ME1: variants seen among roughly 807,000 people sequenced by gnomAD.
ME1 encodes NADP-dependent malic enzyme.
In ME1, 74 loss-of-function variants were observed where a neutral mutation model predicts 66.4. That is an observed-to-expected ratio of 1.11 (90% confidence interval 0.92 to 1.35). The LOEUF (loss-of-function observed/expected upper bound fraction) is 1.35, where lower values mean the gene tolerates loss of function less well. ME1 is among the 40% of genes most tolerant of loss of function. ME1 has a pLI of 0.00. For synonymous variants in ME1, 251 were observed against 235.6 expected (o/e 1.07, Z -0.60); for missense variants, 750 against 694.1 (o/e 1.08, Z -0.90).
intron 11 of ME1, among the ~76,000 whole-genome samples, chr6:83,224,619 G>T (rs956437192): frequency 8.0e-5 from 12 of 150,384 alleles, no homozygotes; most frequent in African/African-American, 2.7e-4. Flanking sequence ...AGGAGGCAGA[G>T]GTTGCAGTGA....
chr6:83,353,961 G>C lies in ME1; in HGVS notation c.363-1822C>G, dbSNP rs551416208. Among the ~76,000 whole-genome samples the C allele has an allele frequency of 2.6e-5, 4 of 152,110 alleles. No homozygotes were observed. In the South Asian group the frequency reaches 8.3e-4, roughly 32 times the overall value. On this transcript the variant is annotated intron_variant, in intron 3 of 13. Transcript: ENST00000369705. The stretch of plus-strand genomic sequence containing the variant: ...TTGTGAAACACTTTCTTTTCTAGCT[G>C]CTGAGATACCACATTTGCCTACGTT...
intron 12 of ME1, among the ~76,000 whole-genome samples, chr6:83,217,253 TGATTA>T (rs527695117): frequency 6.6e-6 from 1 of 152,280 alleles, no homozygotes; most frequent in African/African-American, 2.4e-5. Flanking sequence ...TCTAAGACTT[TGATTA>T]AATTTCTAGA....
At position 83,300,381 on chromosome 6, in the gene ME1, T is replaced by C. The variant is rs537272823; in HGVS notation, c.704+14929A>G. Among the ~76,000 whole-genome samples the C allele has an allele frequency of 4.4e-4, 67 of 152,058 alleles. 1 individual carries two copies. In the South Asian group the frequency reaches 0.013, roughly 29 times the overall value. ...CAATCACAACAAAAGCAAAAATTTA[T>C]AAATAGGATCTAACTAAACTAAAGA... On this transcript the variant is annotated intron_variant, in intron 6 of 13. Coordinates refer to ENST00000369705, the MANE Select transcript of ME1 (RefSeq NM_002395.6).
intron 12 of ME1, 111 bp from the exon 13 acceptor site, chr6:83,216,707 T>C (rs777402925): frequency 9.3e-5 from 60 of 644,198 alleles, no homozygotes; most frequent in Non-Finnish European, 1.4e-4. Flanking sequence ...CAAAAACCAG[T>C]GACATTAATA....
chr6:83,375,135 G>T (rs1354464904), intron 3 of ME1, among the ~76,000 whole-genome samples: 1 of 152,156 alleles, frequency 6.6e-6, no homozygotes, highest in African/African-American at 2.4e-5. Flanking sequence ...TGTGAAGAAT[G>T]TCAATGGTAG....
chr6:83,377,195 T>A (rs1208216609), intron 3 of ME1, among the ~76,000 whole-genome samples: 2 of 152,218 alleles, frequency 1.3e-5, no homozygotes, highest in Admixed American at 1.3e-4. Context: ...ATTTAAAAAG[T>A]GATGATTATG....
intron 3 of ME1, among the ~76,000 whole-genome samples, chr6:83,370,929 A>G (rs2128547201): frequency 6.6e-6 from 1 of 152,222 alleles, no homozygotes; most frequent in East Asian, 1.9e-4. Flanking sequence ...ATAAAGCACA[A>G]AAAACATTAA....
intron 6 of ME1, among the ~76,000 whole-genome samples, chr6:83,258,265 T>A (rs1438443380): frequency 1.3e-5 from 2 of 152,180 alleles, no homozygotes; most frequent in Non-Finnish European, 2.9e-5. Flanking sequence ...GACTTTTCTC[T>A]ACCTGGTAGT....
At chr6:83,285,402 A>G (rs896261651) in intron 6 of ME1, among the ~76,000 whole-genome samples, 1 of 152,222 alleles carries the variant, frequency 6.6e-6, no homozygotes, top group Non-Finnish European at 1.5e-5. Context: ...ATATTGCAGG[A>G]AACAAAATAG....
intron 6 of ME1, among the ~76,000 whole-genome samples, chr6:83,259,679 T>A (rs1766848024): frequency 6.6e-6 from 1 of 152,222 alleles, no homozygotes; most frequent in Non-Finnish European, 1.5e-5. Context: ...TTCTTCTTTG[T>A]AGGTAACAAC....
At chr6:83,240,820 G>A (rs1790496933) in intron 7 of ME1, among the ~76,000 whole-genome samples, 1 of 152,046 alleles carries the variant, frequency 6.6e-6, no homozygotes, top group Non-Finnish European at 1.5e-5. Flanking sequence ...CAATCTTTTA[G>A]TTTCTTTCTT....
chr6:83,325,580 TAGAG>T (rs1216897340), intron 5 of ME1, among the ~76,000 whole-genome samples: 8 of 151,678 alleles, frequency 5.3e-5, no homozygotes, highest in Admixed American at 2.0e-4. Context: ...AATAAGCAAA[TAGAG>T]AGCCAAATCA....
chr6:83,419,875 A>C (rs1042303350), intron 1 of ME1, among the ~76,000 whole-genome samples: 3 of 152,124 alleles, frequency 2.0e-5, no homozygotes, highest in African/African-American at 7.2e-5. Context: ...CAATGCATTA[A>C]ATAAAAGACA....
intron 1 of ME1, among the ~76,000 whole-genome samples, chr6:83,408,552 C>T (rs1300167429): frequency 6.6e-6 from 1 of 152,166 alleles, no homozygotes; most frequent in East Asian, 1.9e-4. Flanking sequence ...CCATTACAAC[C>T]CTATTATTAT....
intron 6 of ME1, among the ~76,000 whole-genome samples, chr6:83,260,227 T>C (rs934108203): frequency 6.6e-6 from 1 of 151,838 alleles, no homozygotes; most frequent in African/African-American, 2.4e-5. Flanking sequence ...TTAGGTGTTG[T>C]CTGCTTTTCA....
intron 6 of ME1, among the ~76,000 whole-genome samples, chr6:83,283,352 A>G (rs958964127): frequency 2.6e-5 from 4 of 151,906 alleles, no homozygotes; most frequent in African/African-American, 9.7e-5. Context: ...TTTCTCACTC[A>G]TAAGTGGGAA....
In ME1 at chr6:83,211,038, C is replaced by G. The variant is rs1355097810; in HGVS notation, c.*886G>C. 1.3e-5 allele frequency: 2 copies of G among 152,206 alleles called. No homozygotes were observed. The highest frequency in any genetic ancestry group is 2.9e-5 in the Non-Finnish European group (2 of 68,038). 9.4% of individuals were successfully genotyped at this position (152,206 alleles called of 1,614,324 possible). On this transcript the variant is annotated 3_prime_UTR_variant, in exon 14 of 14. Coordinates refer to ENST00000369705, the MANE Select transcript of ME1 (RefSeq NM_002395.6). ...CTCCAGTAGGAACCTAACTTGTTGT[C>G]TTAAAGATCCTGAGATCTTTAAGAG...
chr6:83,378,195 T>TG lies in ME1; in HGVS notation c.362+20171dup, dbSNP rs560685617. ...CATTCATTAAAAATAATTAATACAA[T>TG]GGGGGGGTGGGGAAAAGACAGGAAA... On this transcript the variant is annotated intron_variant, in intron 3 of 13. Transcript: ENST00000369705. 5.6e-4 allele frequency among the ~76,000 whole-genome samples: 80 copies of TG among 142,186 alleles called. 1 individual carries two copies. The highest frequency in any genetic ancestry group is 1.4e-3 in the African/African-American group (54 of 38,264). 93.3% of individuals were successfully genotyped at this position (142,186 alleles called of 152,430 possible).
intron 12 of ME1, among the ~76,000 whole-genome samples, chr6:83,221,222 C>G (rs1332006741): frequency 6.6e-6 from 1 of 151,908 alleles, no homozygotes; most frequent in Non-Finnish European, 1.5e-5. Context: ...CAATAGGAAG[C>G]TCTCAGGAGT....
Sources: gnomAD v4.1 joint callset for allele counts (sites outside exome capture counted in the v4.1 genomes callset) on GRCh38, gnomAD v4.1.1 for gene constraint, MANE v1.5 for transcripts, NCBI Gene and HGNC (gene_info 2026-07-23, HGNC 2026-07-21) for gene names.